Variants in CADM1 observed in about 807,000 individuals in gnomAD.
CADM1 encodes the protein TSLC-1.
In CADM1, 15 loss-of-function variants were observed where a neutral mutation model predicts 53.1. That is an observed-to-expected ratio of 0.28 (90% CI 0.19 to 0.44). The LOEUF (loss-of-function observed/expected upper bound fraction) is 0.44, where lower values mean the gene tolerates loss of function less well. CADM1 is among the 20% of genes least tolerant of loss of function. The probability of loss-of-function intolerance (pLI) is 1.00; values close to 1 mark genes in which losing one functional copy is unlikely to be tolerated. For synonymous variants in CADM1, 281 were observed against 243.0 expected (o/e 1.16, Z -1.45); for missense variants, 434 against 611.3 (o/e 0.71, Z 3.06).
At chr11:115,479,153 TTTGA>T (rs1949202970) in intron 1 of CADM1, among the ~76,000 whole-genome samples, 1 of 152,124 alleles carries the variant, frequency 6.6e-6, no homozygotes. Flanking sequence ...GCTTAATTAT[TTTGA>T]TTTTTATCTT....
In CADM1 at chr11:115,340,434, G is replaced by A. The variant is rs189678632; in HGVS notation, c.125-100014C>T. On this transcript the variant is annotated intron_variant, in intron 1 of 11. Coordinates refer to ENST00000331581, the MANE Select transcript of CADM1 (RefSeq NM_001301043.2). Reference sequence around the variant, plus strand: ...CTAGGAACACTCTGAAAAATAACTAGAATTGGCAATGCTAAGAGTTTTTAA... The same window carrying A: ...CTAGGAACACTCTGAAAAATAACTAAAATTGGCAATGCTAAGAGTTTTTAA... 8.6e-4 allele frequency among the ~76,000 whole-genome samples: 125 copies of A among 145,934 alleles called. 1 individual carries two copies. The highest frequency in any genetic ancestry group is 7.0e-3 in the Middle Eastern group (2 of 284).
At chr11:115,372,514 A>AT (rs1320052818) in intron 1 of CADM1, among the ~76,000 whole-genome samples, 1 of 152,168 alleles carries the variant, frequency 6.6e-6, no homozygotes, top group East Asian at 1.9e-4. Flanking sequence ...TAAATTGAGA[A>AT]TTTCTTTGCC....
At chr11:115,304,973 T>C (rs938580789) in intron 1 of CADM1, among the ~76,000 whole-genome samples, 2 of 151,944 alleles carry the variant, frequency 1.3e-5, no homozygotes, top group African/African-American at 2.4e-5. Flanking sequence ...AAATGAATGG[T>C]AAATTATGAC....
intron 1 of CADM1, among the ~76,000 whole-genome samples, chr11:115,386,100 G>A (rs1402994303): frequency 1.3e-5 from 2 of 152,208 alleles, no homozygotes; most frequent in African/African-American, 4.8e-5. Context: ...ATCTGTCCTA[G>A]AACACCATTT....
chr11:115,447,099 T>C (rs1327297726), intron 1 of CADM1, among the ~76,000 whole-genome samples: 2 of 152,162 alleles, frequency 1.3e-5, no homozygotes, highest in East Asian at 3.9e-4. Flanking sequence ...ACTCCCCTCA[T>C]CTGTAGGACC....
chr11:115,486,898 T>C (rs1263673227), intron 1 of CADM1, among the ~76,000 whole-genome samples: 1 of 152,132 alleles, frequency 6.6e-6, no homozygotes, highest in East Asian at 1.9e-4. Flanking sequence ...CTCCTTTATA[T>C]CCCTCTAATG....
rs80117892 is a variant in CADM1 at position 115,200,525 on chromosome 11, C to T, written c.1079-2087G>A. On this transcript the variant is annotated intron_variant, in intron 8 of 11. Coordinates refer to ENST00000331581, the MANE Select transcript of CADM1 (RefSeq NM_001301043.2). ...TTCTTTTTTTTTTGAGATGGAGTTT[C>T]GCTCTTGTTGCCCAGGCTGGAGAGC... Among the ~76,000 whole-genome samples the T allele has an allele frequency of 7.2e-3, 1,087 of 151,864 alleles. 7 individuals are homozygous for T. Among genetic ancestry groups the T allele is most frequent in the Non-Finnish European group, 0.013 (886 of 67,962 alleles).
intron 10 of CADM1, among the ~76,000 whole-genome samples, chr11:115,185,702 C>A (rs1370155473): frequency 6.6e-6 from 1 of 152,212 alleles, no homozygotes; most frequent in Non-Finnish European, 1.5e-5. Context: ...CATGATAGCA[C>A]AGATTTAGAA....
intron 1 of CADM1, among the ~76,000 whole-genome samples, chr11:115,452,718 T>C (rs1031965584): frequency 1.3e-5 from 2 of 152,156 alleles, no homozygotes; most frequent in Non-Finnish European, 2.9e-5. Flanking sequence ...GGAAGAATAA[T>C]AGAATAAAAT....
At chr11:115,397,638 T>C (rs1014707413) in intron 1 of CADM1, 1 of 152,164 alleles carries the variant, frequency 6.6e-6, no homozygotes. Context: ...TAACAGAGCA[T>C]AAAAGTCAAA....
In CADM1 at chr11:115,419,434, T is replaced by C. The variant is rs187683267; in HGVS notation, c.124+84837A>G. Among the ~76,000 whole-genome samples, 273 of 152,310 alleles carry C rather than the reference T, an allele frequency of 1.8e-3. 1 individual carries two copies. Among genetic ancestry groups the C allele is most frequent in the Admixed American group, 3.9e-3 (59 of 15,286 alleles). ...TCCAAAAAGTTTGTTTGTGACCCTT[T>C]TGATGCCCCTCCCCTGCCTTTAAGA... On this transcript the variant is annotated intron_variant, in intron 1 of 11. Transcript: ENST00000331581.
intron 1 of CADM1, among the ~76,000 whole-genome samples, chr11:115,394,444 C>T (rs893892821): frequency 6.6e-6 from 1 of 151,342 alleles, no homozygotes; most frequent in African/African-American, 2.4e-5. Flanking sequence ...ACAAGAACCA[C>T]GAGACATGTG....
chr11:115,303,735 C>G (rs1294933535), intron 1 of CADM1, among the ~76,000 whole-genome samples: 4 of 152,024 alleles, frequency 2.6e-5, no homozygotes, highest in African/African-American at 7.2e-5. Context: ...TCCCCACAAC[C>G]CTGTGCCCTA....
chr11:115,385,314 T>C (rs1392750199), intron 1 of CADM1, among the ~76,000 whole-genome samples: 5 of 151,978 alleles, frequency 3.3e-5, no homozygotes, highest in Non-Finnish European at 7.4e-5. Context: ...ATTGTGGAAA[T>C]AGGATTTGCT....
At chr11:115,359,269 A>G (rs1180612511) in intron 1 of CADM1, among the ~76,000 whole-genome samples, 1 of 152,182 alleles carries the variant, frequency 6.6e-6, no homozygotes, top group Non-Finnish European at 1.5e-5. Context: ...GAGGGAAAGG[A>G]CAACTATTCC....
At chr11:115,249,583 A>T (rs563912116) in intron 1 of CADM1, among the ~76,000 whole-genome samples, 39 of 152,382 alleles carry the variant, frequency 2.6e-4, no homozygotes, top group African/African-American at 9.1e-4. Flanking sequence ...CTCAAAACAC[A>T]TATTTGAAAA....
In CADM1 at chr11:115,171,053, T is replaced by C. The variant is rs958194946; in HGVS notation, c.*5421A>G. ...ACTGCGTGCCTGACAGGAACTTTAA[T>C]ATGGTATTGACCTACAAGGTCATGG... On this transcript the variant is annotated 3_prime_UTR_variant, in exon 12 of 12. Transcript: ENST00000331581. The C allele has an allele frequency of 6.6e-6, 1 of 152,192 alleles. No homozygotes were observed. The highest frequency in any genetic ancestry group is 2.4e-5 in the African/African-American group (1 of 41,432). The allele number at this position is 152,192 out of a possible 1,614,324, so 9.4% of individuals were successfully genotyped here.
intron 1 of CADM1, among the ~76,000 whole-genome samples, chr11:115,417,915 C>T (rs1009545621): frequency 1.3e-5 from 2 of 152,084 alleles, no homozygotes; most frequent in African/African-American, 2.4e-5. Flanking sequence ...CAAACGACAC[C>T]TGTAGTGAAG....
At chr11:115,430,474 C>T (rs778518406) in intron 1 of CADM1, among the ~76,000 whole-genome samples, 2 of 152,218 alleles carry the variant, frequency 1.3e-5, no homozygotes, top group Non-Finnish European at 2.9e-5. Context: ...TAGCCTTAAG[C>T]TGCCAACATC....
Sources: gnomAD v4.1 joint callset for allele counts (sites outside exome capture counted in the v4.1 genomes callset) on GRCh38, gnomAD v4.1.1 for gene constraint, MANE v1.5 for transcripts, NCBI Gene and HGNC (gene_info 2026-07-23, HGNC 2026-07-21) for gene names.